KIF2A: variants seen among roughly 807,000 people sequenced by gnomAD.
The protein encoded by KIF2A is kinesin family member 2A, also known as kinesin-like protein KIF2A.
A neutral mutation model predicts 100.2 loss-of-function variants in KIF2A; 22 were observed. The ratio of observed to expected loss-of-function variants is 0.22; its 90% confidence interval spans 0.16 to 0.31. The LOEUF is 0.31. Ranked by LOEUF, KIF2A falls within the 10% of genes least tolerant of loss-of-function variation. The probability of loss-of-function intolerance (pLI) is 1.00; values close to 1 mark genes in which losing one functional copy is unlikely to be tolerated. For missense variants in KIF2A, 495 were observed against 898.7 expected, an observed-to-expected ratio of 0.55 and a Z score of 5.74; for synonymous variants, 268 against 285.9, an observed-to-expected ratio of 0.94 and a Z score of 0.63.
intron 19 of KIF2A, among the ~76,000 whole-genome samples, chr5:62,379,163 C>T (rs1172139809): frequency 6.6e-6 from 1 of 152,040 alleles, no homozygotes; most frequent in African/African-American, 2.4e-5. Flanking sequence ...ACAAGGTATC[C>T]TATAAAGACC....
At chr5:62,368,144 G>T (rs35815430) in intron 16 of KIF2A, among the ~76,000 whole-genome samples, 6,620 of 152,006 alleles carry the variant, frequency 0.044, 220 homozygotes, top group Non-Finnish European at 0.063. Flanking sequence ...AGCATTATTG[G>T]CCCCCCAAAA....
intron 1 of KIF2A, among the ~76,000 whole-genome samples, chr5:62,315,271 A>T (rs868034819): frequency 6.9e-6 from 1 of 145,848 alleles, no homozygotes; most frequent in African/African-American, 2.5e-5. Context: ...AAAAAAAAAA[A>T]GCAACCCACC....
chr5:62,374,968 C>T (rs991385405), intron 18 of KIF2A, among the ~76,000 whole-genome samples: 1 of 152,082 alleles, frequency 6.6e-6, no homozygotes, highest in African/African-American at 2.4e-5. Flanking sequence ...GAACTGTGGA[C>T]ATATGCATCT....
At chr5:62,341,088 A>G (rs1747268775) in intron 1 of KIF2A, among the ~76,000 whole-genome samples, 1 of 152,182 alleles carries the variant, frequency 6.6e-6, no homozygotes, top group Non-Finnish European at 1.5e-5. Flanking sequence ...GGAATTTCGT[A>G]TTCACTTCTT....
In KIF2A at chr5:62,389,125, C is replaced by T; in HGVS notation, c.*3556C>T. On this transcript the variant is annotated 3_prime_UTR_variant, in exon 21 of 21. Transcript: ENST00000407818. ...GCACATAACGGTATATAGTTCTATA[C>T]CATTAATACTAAAACATGAATACAG... 1 of 1,281,804 alleles carries T rather than the reference C, an allele frequency of 7.8e-7. No homozygotes were observed. The highest frequency in any genetic ancestry group is 1.1e-6 in the Non-Finnish European group (1 of 904,872). The allele number at this position is 1,281,804 out of a possible 1,614,324, so 79.4% of individuals were successfully genotyped here. A position where few individuals can be genotyped will look rare whatever the true frequency, so the allele number is the denominator to read the frequency against.
Position 62,389,199 on chromosome 5 carries a change from T to C in KIF2A, c.*3630T>C, listed in dbSNP as rs1742177070. 1.4e-6 allele frequency: 1 copy of C among 694,244 alleles called. No individual in the cohort carries two copies. Among genetic ancestry groups the C allele is most frequent in the Admixed American group, 3.4e-5 (1 of 29,328 alleles). 43.0% of individuals were successfully genotyped at this position (694,244 alleles called of 1,614,324 possible). A position where few individuals can be genotyped will look rare whatever the true frequency, so the allele number is the denominator to read the frequency against. ...CCTAATACTAGTTATTAAAGAAACGTTACTGGCTGGGCGCAGTGGCTTATG... is the reference window on the plus strand; with the variant it reads ...CCTAATACTAGTTATTAAAGAAACGCTACTGGCTGGGCGCAGTGGCTTATG... On this transcript the variant is annotated 3_prime_UTR_variant, in exon 21 of 21. Transcript: ENST00000407818.
chr5:62,349,968 A>C, intron 3 of KIF2A, 98 bp from the exon 4 acceptor site: 2 of 703,830 alleles, frequency 2.8e-6, no homozygotes, highest in Non-Finnish European at 4.8e-6. Context: ...ATATTCTTAC[A>C]TGTCTGCCTA....
intron 19 of KIF2A, among the ~76,000 whole-genome samples, chr5:62,378,838 C>T (rs1006344287): frequency 6.6e-6 from 1 of 152,020 alleles, no homozygotes; most frequent in Non-Finnish European, 1.5e-5. Context: ...TTCCTTGAGC[C>T]TGGGAGGTGG....
intron 7 of KIF2A, among the ~76,000 whole-genome samples, chr5:62,356,648 G>A (rs1045747298): frequency 9.2e-5 from 14 of 152,224 alleles, no homozygotes; most frequent in African/African-American, 1.7e-4. Flanking sequence ...CTCAGTAATC[G>A]TCTGAGAATC....
intron 1 of KIF2A, among the ~76,000 whole-genome samples, chr5:62,323,073 A>G (rs1168049931): frequency 6.6e-6 from 1 of 151,798 alleles, no homozygotes; most frequent in Non-Finnish European, 1.5e-5. Context: ...CCTGACCAAC[A>G]TGGAGAAACC....
At chr5:62,385,322 G>A (rs570520851) in intron 20 of KIF2A, among the ~76,000 whole-genome samples, 162 bp from the exon 21 acceptor site, 1 of 152,196 alleles carries the variant, frequency 6.6e-6, no homozygotes, top group Non-Finnish European at 1.5e-5. Context: ...CAATAGTTGA[G>A]CATTCTATTT....
intron 1 of KIF2A, among the ~76,000 whole-genome samples, chr5:62,337,579 TC>T (rs1254036483): frequency 6.6e-6 from 1 of 152,032 alleles, no homozygotes; most frequent in Non-Finnish European, 1.5e-5. Flanking sequence ...ACACCTGTAA[TC>T]CCAGCACTTT....
chr5:62,359,684 G>C (rs1437479116), intron 9 of KIF2A, among the ~76,000 whole-genome samples: 1 of 152,016 alleles, frequency 6.6e-6, no homozygotes, highest in Admixed American at 6.6e-5. Context: ...GCATGTTTCT[G>C]TGTGTATGAT....
At chr5:62,356,578 T>G (rs1393765707) in intron 7 of KIF2A, among the ~76,000 whole-genome samples, 1 of 152,186 alleles carries the variant, frequency 6.6e-6, no homozygotes, top group Non-Finnish European at 1.5e-5. Flanking sequence ...AACAAAATTT[T>G]TATAAAAAAT....
chr5:62,343,899 C>T (rs1302444846), intron 1 of KIF2A, among the ~76,000 whole-genome samples: 1 of 152,112 alleles, frequency 6.6e-6, no homozygotes, highest in Non-Finnish European at 1.5e-5. Context: ...ATAGGAATGC[C>T]TGGACTTAAG....
chr5:62,365,614 CT>C (rs1356753713), intron 15 of KIF2A, among the ~76,000 whole-genome samples: 1 of 151,594 alleles, frequency 6.6e-6, no homozygotes, highest in Admixed American at 6.6e-5. Flanking sequence ...CTCTTTCTTT[CT>C]TTTTGAGTAT....
chr5:62,316,162 A>G (rs7718580), intron 1 of KIF2A, among the ~76,000 whole-genome samples: 37,995 of 152,096 alleles, frequency 0.25, 4,818 homozygotes, highest in Middle Eastern at 0.32. Context: ...TAAGGTATAA[A>G]TCACTTCCAT....
intron 20 of KIF2A, among the ~76,000 whole-genome samples, chr5:62,383,816 T>TA (rs1464411756): frequency 6.6e-6 from 1 of 152,200 alleles, no homozygotes; most frequent in South Asian, 2.1e-4. Flanking sequence ...GCATTCAACT[T>TA]AATTGACTTC....
chr5:62,361,202 T>C (rs760194259), intron 9 of KIF2A, 40 bp from the exon 10 acceptor site: 1 of 1,094,564 alleles, frequency 9.1e-7, no homozygotes, highest in Non-Finnish European at 1.4e-6. Context: ...TTCATCAAAA[T>C]ATTGGTGACA....
Sources: gnomAD v4.1 joint callset for allele counts (sites outside exome capture counted in the v4.1 genomes callset) on GRCh38, gnomAD v4.1.1 for gene constraint, MANE v1.5 for transcripts, NCBI Gene and HGNC (gene_info 2026-07-23, HGNC 2026-07-21) for gene names.